Variants in QRICH1 observed in about 807,000 individuals in gnomAD.
QRICH1 encodes glutamine rich 1.
Under a neutral mutation model 87.1 loss-of-function variants are expected in QRICH1, and 16 were observed. That is an observed-to-expected ratio of 0.18 (90% CI 0.12 to 0.28). QRICH1 has a LOEUF of 0.28. Ranked by LOEUF, QRICH1 falls within the 10% of genes least tolerant of loss-of-function variation. The pLI, the probability that QRICH1 is intolerant of heterozygous loss-of-function variation, is 1.00. For missense variants in QRICH1, 647 were observed against 951.7 expected, an observed-to-expected ratio of 0.68 and a Z score of 4.21; for synonymous variants, 367 against 368.4, an observed-to-expected ratio of 1.00 and a Z score of 0.05.
At chr3:49,046,942 A>C in intron 4 of QRICH1, 127 bp downstream of exon 4, 1 of 1,111,652 alleles carries the variant, frequency 9.0e-7, no homozygotes, top group South Asian at 1.5e-5. Flanking sequence ...TGAATTCAAC[A>C]TACTATTACA....
At chr3:49,088,472 AT>A (rs1183425769) in intron 1 of QRICH1, among the ~76,000 whole-genome samples, 2 of 150,476 alleles carry the variant, frequency 1.3e-5, no homozygotes, top group Non-Finnish European at 3.0e-5. Flanking sequence ...ATTTTTTTGT[AT>A]TTTTAGTAGA....
At chr3:49,053,052 A>T (rs1275829008) in intron 3 of QRICH1, among the ~76,000 whole-genome samples, 1 of 152,182 alleles carries the variant, frequency 6.6e-6, no homozygotes. Flanking sequence ...CTTAGGGAGA[A>T]GAGGGCCAAA....
chr3:49,081,476 A>G (rs925641047), intron 1 of QRICH1, among the ~76,000 whole-genome samples: 3 of 151,890 alleles, frequency 2.0e-5, no homozygotes, highest in African/African-American at 7.2e-5. Context: ...TAAGATCAGG[A>G]AATTAAAGTT....
At chr3:49,063,519 G>A (rs996204664) in intron 2 of QRICH1, among the ~76,000 whole-genome samples, 3 of 152,088 alleles carry the variant, frequency 2.0e-5, no homozygotes, top group Non-Finnish European at 4.4e-5. Flanking sequence ...GCTGGGCATC[G>A]TGGTCATGCC....
intron 2 of QRICH1, among the ~76,000 whole-genome samples, chr3:49,074,818 A>G (rs1258261109): frequency 6.6e-6 from 1 of 151,454 alleles, no homozygotes; most frequent in Non-Finnish European, 1.5e-5. Context: ...CTCTACTAAA[A>G]ACACAAAAAA....
At chr3:49,041,418 C>G (rs2093309127) in intron 6 of QRICH1, among the ~76,000 whole-genome samples, 1 of 151,890 alleles carries the variant, frequency 6.6e-6, no homozygotes, top group Admixed American at 6.6e-5. Flanking sequence ...GTCTTGAACT[C>G]CTGGGCTCAA....
intron 6 of QRICH1, 168 bp from the exon 7 acceptor site, chr3:49,033,396 G>T (rs577553636): frequency 9.7e-6 from 4 of 410,738 alleles, no homozygotes; most frequent in South Asian, 1.6e-4. Context: ...AACACAGATA[G>T]CTGGGTCCCA....
chr3:49,091,279 C>T (rs2042270388), intron 1 of QRICH1, among the ~76,000 whole-genome samples: 1 of 152,020 alleles, frequency 6.6e-6, no homozygotes, highest in Admixed American at 6.6e-5. Flanking sequence ...ACACCTAATT[C>T]TAAGGCTAAT....
chr3:49,065,368 C>T (rs922412213), intron 2 of QRICH1, among the ~76,000 whole-genome samples: 8 of 152,174 alleles, frequency 5.3e-5, no homozygotes, highest in African/African-American at 1.2e-4. Flanking sequence ...TGTTCTCGAA[C>T]GCCTGACCTC....
chr3:49,067,950 CA>C (rs202115980), intron 2 of QRICH1, among the ~76,000 whole-genome samples: 101 of 133,158 alleles, frequency 7.6e-4, no homozygotes, highest in Admixed American at 7.7e-4. Context: ...GACTCCGTCT[CA>C]AAAAAAAAAA....
intron 2 of QRICH1, among the ~76,000 whole-genome samples, chr3:49,075,123 A>AGTTCAAGG (rs2041925354): frequency 6.6e-6 from 1 of 151,102 alleles, no homozygotes; most frequent in South Asian, 2.1e-4. Context: ...AGAGTTCAAG[A>AGTTCAAGG]CCAGCCTGGG....
At chr3:49,030,766 T>A (rs2093231969) in intron 9 of QRICH1, 122 bp from the exon 10 acceptor site, 1 of 837,832 alleles carries the variant, frequency 1.2e-6, no homozygotes, top group Non-Finnish European at 1.8e-6. Context: ...GCACAGCTAC[T>A]GAATTCCATG....
chr3:49,077,844 G>A (rs1222868642), intron 1 of QRICH1, among the ~76,000 whole-genome samples: 2 of 151,928 alleles, frequency 1.3e-5, no homozygotes, highest in Non-Finnish European at 2.9e-5. Context: ...AAATAATTCT[G>A]GAAAAAAGGT....
chr3:49,034,034 T>G lies in QRICH1; in HGVS notation c.1787-806A>C, dbSNP rs149628007. 7.3e-5 allele frequency among the ~76,000 whole-genome samples: 11 copies of G among 151,392 alleles called. No individual in the cohort carries two copies. In the East Asian group the frequency reaches 2.1e-3, roughly 29 times the overall value. On this transcript the variant is annotated intron_variant, in intron 6 of 9. Coordinates refer to ENST00000395443, the MANE Select transcript of QRICH1 (RefSeq NM_198880.3). Reference sequence around the variant, plus strand: ...CAAAAAAAACAAAAAAAACGGCTATTGTCATTTCTTCTCTAGATAAAGAGA... The same window carrying G: ...CAAAAAAAACAAAAAAAACGGCTATGGTCATTTCTTCTCTAGATAAAGAGA...
rs1559962323 is a variant in QRICH1, at chr3:49,093,911, C to A, written c.-22+1G>T. ...ATCCCCACCCGCACTGGAGCCCTCA[C>A]CCGGCGACGTCACTGCCGCCGCCGC... On this transcript the variant is annotated splice_donor_variant, in intron 1 of 9. Coordinates refer to ENST00000395443, the MANE Select transcript of QRICH1 (RefSeq NM_198880.3). LOFTEE classifies it low-confidence loss of function (5UTR_SPLICE). The A allele has an allele frequency of 5.2e-6, 2 of 387,736 alleles. No individual in the cohort carries two copies. Among genetic ancestry groups the A allele is most frequent in the Non-Finnish European group, 9.1e-6 (2 of 220,878 alleles). The allele number at this position is 387,736 out of a possible 1,614,324, so 24.0% of individuals were successfully genotyped here.
chr3:49,043,434 T>C (rs1256437178), intron 6 of QRICH1, among the ~76,000 whole-genome samples: 3 of 132,606 alleles, frequency 2.3e-5, no homozygotes, highest in Non-Finnish European at 3.1e-5. Context: ...AGGTGGATGC[T>C]GCAGTGAGCC....
chr3:49,055,735 C>A (rs576626773), intron 3 of QRICH1, among the ~76,000 whole-genome samples: 2 of 152,292 alleles, frequency 1.3e-5, no homozygotes, highest in African/African-American at 4.8e-5. Flanking sequence ...TGCAGTGGCA[C>A]GATCTCAGCT....
In QRICH1 at chr3:49,043,496, C is replaced by CAA. The variant is rs57402124; in HGVS notation, c.1786+892_1786+893dup. ...GGGCAACAAGAGCAAAACTCTGTCT[C>CAA]AAAAAAAAAAAAAAAAAAAAAAAAA... On this transcript the variant is annotated intron_variant, in intron 6 of 9. Coordinates refer to ENST00000395443, the MANE Select transcript of QRICH1 (RefSeq NM_198880.3). 7.2e-3 allele frequency among the ~76,000 whole-genome samples: 270 copies of CAA among 37,582 alleles called. 10 individuals are homozygous for CAA. The highest frequency in any genetic ancestry group is 8.0e-3 in the Non-Finnish European group (132 of 16,416). 24.7% of individuals were successfully genotyped at this position (37,582 alleles called of 152,430 possible). A position where few individuals can be genotyped will look rare whatever the true frequency, so the allele number is the denominator to read the frequency against.
chr3:49,066,148 G>A (rs2093467197), intron 2 of QRICH1, among the ~76,000 whole-genome samples: 1 of 152,078 alleles, frequency 6.6e-6, no homozygotes, highest in Admixed American at 6.6e-5. Flanking sequence ...TTAGCCAGAC[G>A]TGGTTGTGAG....
Sources: allele counts gnomAD v4.1 joint callset (sites outside exome capture counted in the v4.1 genomes callset), GRCh38; gene constraint gnomAD v4.1.1; transcripts MANE v1.5; gene names NCBI Gene and HGNC (gene_info 2026-07-23, HGNC 2026-07-21).